GRIA4: variants seen among roughly 807,000 people sequenced by gnomAD.
The protein encoded by GRIA4 is glutamate ionotropic receptor AMPA type subunit 4, also known as glutamate receptor 4.
In GRIA4, 34 loss-of-function variants were observed where a neutral mutation model predicts 104.0. The ratio of observed to expected loss-of-function variants is 0.33; its 90% CI spans 0.25 to 0.44. The LOEUF (loss-of-function observed/expected upper bound fraction) is 0.44. GRIA4 is among the 20% of genes least tolerant of loss of function. The pLI, the probability that GRIA4 is intolerant of heterozygous loss-of-function variation, is 1.00. For synonymous variants in GRIA4, 386 were observed against 381.9 expected (o/e 1.01, Z -0.13); for missense variants, 750 against 1,096.5 (o/e 0.68, Z 4.46).
intron 3 of GRIA4, among the ~76,000 whole-genome samples, chr11:105,640,338 T>A (rs1951323509): frequency 6.6e-6 from 1 of 151,962 alleles, no homozygotes; most frequent in African/African-American, 2.4e-5. Context: ...TTTGGATGTA[T>A]ATTTTTAATT....
chr11:105,802,140 C>A (rs1351000902), intron 4 of GRIA4, among the ~76,000 whole-genome samples: 4 of 152,008 alleles, frequency 2.6e-5, no homozygotes, highest in African/African-American at 9.7e-5. Flanking sequence ...AACTTATAAG[C>A]CCAGGGCATC....
At chr11:105,777,792 CA>C (rs1295853065) in intron 4 of GRIA4, among the ~76,000 whole-genome samples, 8 of 151,898 alleles carry the variant, frequency 5.3e-5, no homozygotes, top group African/African-American at 1.7e-4. Context: ...CAATAACAAC[CA>C]AAAAAATCAC....
At chr11:105,777,134 C>T (rs1169891405) in intron 4 of GRIA4, among the ~76,000 whole-genome samples, 1 of 152,144 alleles carries the variant, frequency 6.6e-6, no homozygotes, top group African/African-American at 2.4e-5. Context: ...ACAGTGCTTA[C>T]TTCTGCAATT....
chr11:105,824,055 G>A (rs926187089), intron 4 of GRIA4, among the ~76,000 whole-genome samples: 5 of 152,102 alleles, frequency 3.3e-5, no homozygotes, highest in African/African-American at 9.7e-5. Context: ...AGAGGCCCCA[G>A]AAGAAACCAA....
chr11:105,970,335 A>C (rs576455673), intron 14 of GRIA4, among the ~76,000 whole-genome samples: 1 of 152,196 alleles, frequency 6.6e-6, no homozygotes, highest in South Asian at 2.1e-4. Flanking sequence ...ACAAAAAAAA[A>C]TGGGTTTTAG....
intron 5 of GRIA4, among the ~76,000 whole-genome samples, chr11:105,875,546 G>T (rs1264374235): frequency 6.6e-6 from 1 of 151,982 alleles, no homozygotes; most frequent in Non-Finnish European, 1.5e-5. Flanking sequence ...TCTGGTCCTG[G>T]GCTTTTTTGG....
Position 105,870,357 on chromosome 11 carries a change from C to T in GRIA4, c.672+8149C>T, listed in dbSNP as rs77669603. On this transcript the variant is annotated intron_variant, in intron 5 of 16. Coordinates refer to ENST00000282499, the MANE Select transcript of GRIA4 (RefSeq NM_000829.4). Reference sequence around the variant, plus strand: ...TCTGCCCACCACATTCTATTATTTTCCTTTCTTATACCTGTACCACAACAC... The same window carrying T: ...TCTGCCCACCACATTCTATTATTTTTCTTTCTTATACCTGTACCACAACAC... Among the ~76,000 whole-genome samples the T allele has an allele frequency of 4.3e-3, 653 of 151,820 alleles. 12 individuals are homozygous for T. The highest frequency in any genetic ancestry group is 6.3e-3 in the Non-Finnish European group (431 of 67,920).
At chr11:105,938,633 G>A (rs970549357) in intron 14 of GRIA4, among the ~76,000 whole-genome samples, 2 of 152,036 alleles carry the variant, frequency 1.3e-5, no homozygotes, top group Admixed American at 1.3e-4. Flanking sequence ...TATATTTTGA[G>A]ATACAGTCTG....
At chr11:105,887,620 C>G (rs766395040) in intron 6 of GRIA4, 48 bp downstream of exon 6, 1 of 847,490 alleles carries the variant, frequency 1.2e-6, no homozygotes, top group South Asian at 1.5e-5. Context: ...CTCAAGCACA[C>G]AAGATTATTT....
intron 3 of GRIA4, among the ~76,000 whole-genome samples, chr11:105,731,352 C>T (rs1047206478): frequency 1.3e-5 from 2 of 151,874 alleles, no homozygotes; most frequent in African/African-American, 2.4e-5. Context: ...GTTAGAATGG[C>T]GATCATTAAA....
chr11:105,819,817 C>T (rs1231974111), intron 4 of GRIA4, among the ~76,000 whole-genome samples: 2 of 152,046 alleles, frequency 1.3e-5, no homozygotes, highest in African/African-American at 4.8e-5. Flanking sequence ...AATTCTCACC[C>T]TCATTACCTC....
intron 5 of GRIA4, among the ~76,000 whole-genome samples, chr11:105,882,300 A>G (rs1359229752): frequency 6.6e-6 from 1 of 152,218 alleles, no homozygotes; most frequent in Non-Finnish European, 1.5e-5. Flanking sequence ...TTTCTATTCT[A>G]GTGTGCCACT....
chr11:105,910,542 T>C lies in GRIA4; in HGVS notation c.1266T>C (p.Ile422=). ...IENRTVVVTT[I]MESPYVMYKK... is the part of the protein sequence containing the mutation. ...ACAGAACAGTGGTTGTAACCACAAT[T>C]ATGGTAAGTGTTGGTCTATGCTTTA... Residue 422 remains isoleucine, a synonymous_variant, in exon 10 of 17, where the codon ATT becomes ATC. Coordinates refer to ENST00000282499, the MANE Select transcript of GRIA4 (RefSeq NM_000829.4). 2 of 1,461,602 alleles carry C rather than the reference T, an allele frequency of 1.4e-6. No individual in the cohort carries two copies. The highest frequency in any genetic ancestry group is 1.9e-6 in the Non-Finnish European group (2 of 1,040,808). 90.5% of individuals were successfully genotyped at this position (1,461,602 alleles called of 1,614,324 possible). A position where few individuals can be genotyped will look rare whatever the true frequency, so the allele number is the denominator to read the frequency against.
intron 4 of GRIA4, among the ~76,000 whole-genome samples, chr11:105,813,045 G>T (rs1409867504): frequency 1.5e-5 from 2 of 129,834 alleles, no homozygotes; most frequent in East Asian, 2.4e-4. Flanking sequence ...AGTGAGCCAA[G>T]ATCGTGCCAC....
At chr11:105,923,443 C>T (rs976282117) in intron 11 of GRIA4, among the ~76,000 whole-genome samples, 6 of 152,042 alleles carry the variant, frequency 3.9e-5, no homozygotes, top group African/African-American at 7.2e-5. Flanking sequence ...GTTTCATCAT[C>T]TAGACAATGA....
chr11:105,952,937 A>G (rs1003084200), intron 14 of GRIA4, among the ~76,000 whole-genome samples: 17 of 152,236 alleles, frequency 1.1e-4, no homozygotes, highest in Non-Finnish European at 2.2e-4. Context: ...TAAAAATTCA[A>G]TATCTTTTCT....
chr11:105,913,168 G>A, intron 10 of GRIA4: 4 of 424,760 alleles, frequency 9.4e-6, no homozygotes, highest in Non-Finnish European at 1.3e-5. Context: ...TCTAGGCCCT[G>A]GGGATATGTC....
At chr11:105,634,133 G>A (rs963948172) in intron 3 of GRIA4, among the ~76,000 whole-genome samples, 1 of 152,030 alleles carries the variant, frequency 6.6e-6, no homozygotes, top group African/African-American at 2.4e-5. Context: ...CAGATCACGA[G>A]GTCAGGAGTT....
chr11:105,748,625 C>G (rs1027693273), intron 3 of GRIA4, among the ~76,000 whole-genome samples: 1 of 152,004 alleles, frequency 6.6e-6, no homozygotes, highest in Non-Finnish European at 1.5e-5. Context: ...TCTCGTGATC[C>G]GCCCGCCTTG....
Sources: gnomAD v4.1 joint callset for allele counts (sites outside exome capture counted in the v4.1 genomes callset) on GRCh38, gnomAD v4.1.1 for gene constraint, MANE v1.5 for transcripts, NCBI Gene and HGNC (gene_info 2026-07-23, HGNC 2026-07-21) for gene names.